Variants in NRXN3 observed in about 807,000 individuals in gnomAD.
The protein encoded by NRXN3 is neurexin III.
A neutral mutation model predicts 137.6 loss-of-function variants in NRXN3; 32 were observed. The observed-to-expected ratio is 0.23, with a 90% CI of 0.18 to 0.31. The LOEUF is 0.31. Among genes scored for constraint, NRXN3 ranks in the 10% least tolerant of loss-of-function variants. The pLI is 1.00. For synonymous variants in NRXN3, 798 were observed against 784.5 expected (o/e 1.02, Z -0.29); for missense variants, 1,574 against 2,062.5 (o/e 0.76, Z 4.59).
chr14:79,536,824 A>G lies in NRXN3; in HGVS notation c.3444+69422A>G, dbSNP rs185624795. On this transcript the variant is annotated intron_variant, in intron 16 of 20. Coordinates refer to ENST00000335750, the MANE Select transcript of NRXN3 (RefSeq NM_001330195.2). Reference sequence around the variant, plus strand: ...TAATGGCTGCATAGTATTCCATGGTATCTATATACCACATTGTCTTTGTCC... The same window carrying G: ...TAATGGCTGCATAGTATTCCATGGTGTCTATATACCACATTGTCTTTGTCC... 3.9e-3 allele frequency among the ~76,000 whole-genome samples: 600 copies of G among 152,070 alleles called. 1 individual carries two copies. Among genetic ancestry groups the G allele is most frequent in the Non-Finnish European group, 6.5e-3 (442 of 67,978 alleles).
At position 78,388,759 on chromosome 14, in the gene NRXN3, C is replaced by A. The variant is rs368191334; in HGVS notation, c.757+90899C>A. On this transcript the variant is annotated intron_variant, in intron 4 of 20. Coordinates refer to ENST00000335750, the MANE Select transcript of NRXN3 (RefSeq NM_001330195.2). ...ACAAAGGAAGTAAAAAAGGATTAAT[C>A]TAGAAATAAACCCTACTGCATTTTG... Among the ~76,000 whole-genome samples the A allele has an allele frequency of 2.1e-4, 32 of 152,248 alleles. No homozygotes were observed. The East Asian group carries it at 5.6e-3, about 27-fold the overall frequency.
intron 6 of NRXN3, among the ~76,000 whole-genome samples, chr14:78,699,515 G>C (rs1594873142): frequency 6.6e-6 from 1 of 152,224 alleles, no homozygotes; most frequent in Non-Finnish European, 1.5e-5. Flanking sequence ...GACGATTAGA[G>C]TCATTTCTAG....
intron 19 of NRXN3, among the ~76,000 whole-genome samples, chr14:79,710,070 GGTTT>G (rs1253983540): frequency 5.9e-5 from 9 of 151,960 alleles, no homozygotes; most frequent in East Asian, 1.9e-4. Flanking sequence ...TTTATTTGGG[GGTTT>G]GTTTGTTTTA....
At chr14:79,451,969 A>C (rs1382485593) in intron 15 of NRXN3, among the ~76,000 whole-genome samples, 2 of 152,196 alleles carry the variant, frequency 1.3e-5, no homozygotes, top group Admixed American at 1.3e-4. Flanking sequence ...ATTGCTTTGG[A>C]GAATCTTCTT....
chr14:79,737,948 T>A (rs1233722272), intron 19 of NRXN3, among the ~76,000 whole-genome samples: 1 of 152,138 alleles, frequency 6.6e-6, no homozygotes, highest in Non-Finnish European at 1.5e-5. Flanking sequence ...TCCAACATTC[T>A]GTTGCAATGA....
At chr14:78,778,682 CTTTCT>C (rs1567284401) in intron 8 of NRXN3, among the ~76,000 whole-genome samples, 2 of 72,858 alleles carry the variant, frequency 2.7e-5, no homozygotes, top group African/African-American at 1.1e-4. Context: ...CTTTTCTTTT[CTTTCT>C]TTCTTTCTTT....
chr14:78,756,372 C>T (rs1004700200), intron 8 of NRXN3, among the ~76,000 whole-genome samples: 4 of 151,766 alleles, frequency 2.6e-5, no homozygotes, highest in African/African-American at 9.7e-5. Context: ...CCTGTAATCC[C>T]AACTACTCAG....
At position 78,689,867 on chromosome 14, in the gene NRXN3, T is replaced by C. The variant is rs928335296; in HGVS notation, c.1222-19350T>C. Reference sequence around the variant, plus strand: ...CTCAACCTCTCTCCCCTCTCCCCCTTCCTCCTCTTTCTCTCTGCCCTTCCT... The same window carrying C: ...CTCAACCTCTCTCCCCTCTCCCCCTCCCTCCTCTTTCTCTCTGCCCTTCCT... On this transcript the variant is annotated intron_variant, in intron 6 of 20. Coordinates refer to ENST00000335750, the MANE Select transcript of NRXN3 (RefSeq NM_001330195.2). Among the ~76,000 whole-genome samples the C allele has an allele frequency of 4.6e-5, 7 of 151,060 alleles. No homozygotes were observed. In the South Asian group the frequency reaches 6.4e-4, roughly 14 times the overall value.
intron 8 of NRXN3, among the ~76,000 whole-genome samples, chr14:78,770,937 T>C (rs185838372): frequency 6.6e-6 from 1 of 152,334 alleles, no homozygotes; most frequent in East Asian, 1.9e-4. Flanking sequence ...CTTTCATTGT[T>C]GGAGGTAACA....
At chr14:78,324,521 T>C (rs1442475493) in intron 4 of NRXN3, among the ~76,000 whole-genome samples, 1 of 152,130 alleles carries the variant, frequency 6.6e-6, no homozygotes, top group Non-Finnish European at 1.5e-5. Context: ...CCTTCATTCA[T>C]TCTGAAGTAT....
At chr14:78,899,445 C>T (rs571643788) in intron 10 of NRXN3, among the ~76,000 whole-genome samples, 83 of 152,056 alleles carry the variant, frequency 5.5e-4, no homozygotes, top group Admixed American at 1.6e-3. Flanking sequence ...GCTTCTGCCA[C>T]GTGGGCACAG....
intron 4 of NRXN3, among the ~76,000 whole-genome samples, chr14:78,534,905 T>A (rs1050468025): frequency 6.6e-6 from 1 of 152,230 alleles, no homozygotes; most frequent in Non-Finnish European, 1.5e-5. Flanking sequence ...AATAGTTGTT[T>A]GTACATTAAC....
chr14:79,041,223 T>A (rs922020860), intron 15 of NRXN3, among the ~76,000 whole-genome samples: 1 of 152,206 alleles, frequency 6.6e-6, no homozygotes, highest in Non-Finnish European at 1.5e-5. Flanking sequence ...GATCTTAGTT[T>A]TTTGGGTTGC....
At chr14:79,282,365 A>T (rs2081411633) in intron 15 of NRXN3, among the ~76,000 whole-genome samples, 1 of 152,156 alleles carries the variant, frequency 6.6e-6, no homozygotes. Context: ...GAGGAAGATT[A>T]TGCATTACAG....
At chr14:79,094,979 A>AGTGTGTGT (rs1555740770) in intron 15 of NRXN3, among the ~76,000 whole-genome samples, 6,108 of 115,944 alleles carry the variant, frequency 0.053, 291 homozygotes, top group East Asian at 0.22. Context: ...AGAGAGAGAG[A>AGTGTGTGT]GTGTGTGTGT....
chr14:79,049,046 AAAAAAAAAAAAAAAAAAAAAAAAAAAAAT>A (rs2099637585), intron 15 of NRXN3, among the ~76,000 whole-genome samples: 1 of 38,528 alleles, frequency 2.6e-5, no homozygotes, highest in Non-Finnish European at 4.8e-5. Context: ...AAAAAAAAAA[AAAAAAAAAAAAAAAAAAAAAAAAAAAAAT>A]AATAATAATA....
rs965077910 is a variant in NRXN3 at position 79,289,896 on chromosome 14, G to A, written c.3263-177325G>A. Among the ~76,000 whole-genome samples the A allele has an allele frequency of 4.7e-4, 72 of 152,138 alleles. 1 individual carries two copies. The highest frequency in any genetic ancestry group is 1.3e-4 in the Non-Finnish European group (9 of 68,030). ...GTTTGAAGACCTGTCCCCAGCCCCAGTCCTGACCTCTTGCTTACCAGCTAT... is the reference window on the plus strand; with the variant it reads ...GTTTGAAGACCTGTCCCCAGCCCCAATCCTGACCTCTTGCTTACCAGCTAT... On this transcript the variant is annotated intron_variant, in intron 15 of 20. Coordinates refer to ENST00000335750, the MANE Select transcript of NRXN3 (RefSeq NM_001330195.2).
chr14:78,315,236 G>A (rs1387177158), intron 4 of NRXN3, among the ~76,000 whole-genome samples: 5 of 151,674 alleles, frequency 3.3e-5, no homozygotes, highest in African/African-American at 4.9e-5. Context: ...AAGTTGATCC[G>A]CCCACCTCAG....
intron 19 of NRXN3, among the ~76,000 whole-genome samples, chr14:79,719,402 G>GTATATATATATA (rs143848752): frequency 7.7e-5 from 11 of 142,278 alleles, no homozygotes; most frequent in Non-Finnish European, 1.4e-4. Context: ...ATATATGTGT[G>GTATATATATATA]TATATATATA....
Sources: gnomAD v4.1 joint callset for allele counts (sites outside exome capture counted in the v4.1 genomes callset) on GRCh38, gnomAD v4.1.1 for gene constraint, MANE v1.5 for transcripts, NCBI Gene and HGNC (gene_info 2026-07-23, HGNC 2026-07-21) for gene names.